SYT11: variants seen among roughly 807,000 people sequenced by gnomAD.
The protein encoded by SYT11 is synaptotagmin-11.
Under a neutral mutation model 30.4 loss-of-function variants are expected in SYT11, and 12 were observed. The observed-to-expected ratio is 0.39, with a 90% CI of 0.25 to 0.64. The LOEUF (loss-of-function observed/expected upper bound fraction) is 0.64. Ranked by LOEUF, SYT11 falls within the 30% of genes least tolerant of loss-of-function variation. SYT11 has a pLI of 0.45. For missense variants in SYT11, 412 were observed against 552.0 expected (o/e 0.75, Z 2.54); for synonymous variants, 204 against 216.0 (o/e 0.94, Z 0.49).
At chr1:155,872,385 ACAAGGGCT>A (rs1672793647) in intron 2 of SYT11, among the ~76,000 whole-genome samples, 1 of 152,238 alleles carries the variant, frequency 6.6e-6, no homozygotes, top group African/African-American at 2.4e-5. Flanking sequence ...TCCACCTAAT[ACAAGGGCT>A]CCTTGGCTAG....
At position 155,868,321 on chromosome 1, in the gene SYT11, G is replaced by A. The variant is rs768097557; in HGVS notation, c.391G>A (p.Glu131Lys). Residue 131 changes from glutamate (E) to lysine (K), a missense_variant, in exon 2 of 4, where the codon GAA becomes AAA. Glu to Lys is a moderately conservative substitution (Grantham distance 56). Coordinates refer to ENST00000368324, the MANE Select transcript of SYT11 (RefSeq NM_152280.5). The surrounding 1 kb of genome is among the most constrained non-coding windows in gnomAD (Gnocchi z 4.7). ...ACCCATCAAAATGGACTATGGGGAA[G>A]AACTAAGGAGCCCTATTACAAGCCT... ...QLPIKMDYGE[E>K]LRSPITSLTP... 5 of 1,614,030 alleles carry A rather than the reference G, an allele frequency of 3.1e-6. No individual in the cohort carries two copies. The highest frequency in any genetic ancestry group is 3.4e-6 in the Non-Finnish European group (4 of 1,180,008).
intron 1 of SYT11, among the ~76,000 whole-genome samples, chr1:155,864,946 G>A (rs559705498): frequency 5.3e-4 from 81 of 151,940 alleles, no homozygotes; most frequent in Non-Finnish European, 8.1e-4. Flanking sequence ...CCTGACCTCA[G>A]GTGATCTGCC....
In SYT11 at chr1:155,860,152, C is replaced by G. The variant is rs1672530405; in HGVS notation, c.34+357C>G. ...AGGTGGGGTAGGCCAAGCCCTCCCC[C>G]TTGGGGCACACAGGGCGGTGCCCCT... is the stretch of plus-strand genomic sequence containing the variant. On this transcript the variant is annotated intron_variant, in intron 1 of 3. Transcript: ENST00000368324. This position sits in a 1 kb window ranked among gnomAD's most constrained non-coding sequence, Gnocchi z 4.1. Among the ~76,000 whole-genome samples, 1 of 152,242 alleles carries G rather than the reference C, an allele frequency of 6.6e-6. No individual in the cohort carries two copies. Among genetic ancestry groups the G allele is most frequent in the Admixed American group, 6.5e-5 (1 of 15,286 alleles).
In SYT11 at chr1:155,862,994, C is replaced by T. The variant is rs73002929; in HGVS notation, c.34+3199C>T. Among the ~76,000 whole-genome samples the T allele has an allele frequency of 5.6e-3, 851 of 152,324 alleles. 7 individuals carry two copies. The highest frequency in any genetic ancestry group is 0.019 in the African/African-American group (805 of 41,566). On this transcript the variant is annotated intron_variant, in intron 1 of 3. Coordinates refer to ENST00000368324, the MANE Select transcript of SYT11 (RefSeq NM_152280.5). ...AAGATCCATAGGATATTGTTCCTGCCTGCCTTCAAGTAGCTTACTACCAAG... is the reference window on the plus strand; with the variant it reads ...AAGATCCATAGGATATTGTTCCTGCTTGCCTTCAAGTAGCTTACTACCAAG...
intron 2 of SYT11, among the ~76,000 whole-genome samples, chr1:155,877,647 G>A (rs944161214): frequency 2.0e-5 from 3 of 150,408 alleles, no homozygotes; most frequent in South Asian, 2.1e-4. Context: ...TCCGCCTCCC[G>A]GGTTCACGCC....
At chr1:155,880,454 C>A (rs1313825683) in intron 2 of SYT11, 46 bp from the exon 3 acceptor site, 4 of 1,608,970 alleles carry the variant, frequency 2.5e-6, no homozygotes, top group African/African-American at 2.7e-5. Flanking sequence ...TGTGCTCTGC[C>A]CTGCACCCTC....
intron 2 of SYT11, among the ~76,000 whole-genome samples, chr1:155,875,856 ATTTCTTGT>A (rs1672851423): frequency 6.6e-6 from 1 of 152,126 alleles, no homozygotes; most frequent in South Asian, 2.1e-4. Flanking sequence ...TATTAGGCTT[ATTTCTTGT>A]TTTTTATTGA....
chr1:155,862,664 AATAAATCT>A (rs1672612491), intron 1 of SYT11, among the ~76,000 whole-genome samples: 1 of 152,214 alleles, frequency 6.6e-6, no homozygotes, highest in Non-Finnish European at 1.5e-5. Context: ...TGCTGCAGGG[AATAAATCT>A]ATGATAGAGC....
chr1:155,877,742 GAT>G (rs1557950120), intron 2 of SYT11, among the ~76,000 whole-genome samples: 1 of 151,624 alleles, frequency 6.6e-6, no homozygotes, highest in African/African-American at 2.4e-5. Context: ...TTTTTTAGTA[GAT>G]ACCAGGTTTC....
chr1:155,863,307 G>T (rs1015596944), intron 1 of SYT11, among the ~76,000 whole-genome samples: 4 of 152,008 alleles, frequency 2.6e-5, no homozygotes, highest in Admixed American at 2.6e-4. Flanking sequence ...TTTTTAATTA[G>T]CCAGGCATAG....
intron 1 of SYT11, among the ~76,000 whole-genome samples, chr1:155,862,357 G>A (rs186477787): frequency 6.6e-6 from 1 of 152,292 alleles, no homozygotes; most frequent in African/African-American, 2.4e-5. Context: ...AGAGCTCTAG[G>A]TTTTAATATC....
At chr1:155,873,999 G>A (rs905178104) in intron 2 of SYT11, among the ~76,000 whole-genome samples, 3 of 152,238 alleles carry the variant, frequency 2.0e-5, no homozygotes, top group Non-Finnish European at 2.9e-5. Context: ...CAACCAGACT[G>A]TAATTCAAAA....
At position 155,868,014 on chromosome 1, in the gene SYT11, G is replaced by A. The variant is rs767013858; in HGVS notation, c.84G>A (p.Val28=). The A allele has an allele frequency of 1.9e-6, 3 of 1,613,080 alleles. No individual in the cohort carries two copies. Among genetic ancestry groups the A allele is most frequent in the Non-Finnish European group, 2.5e-6 (3 of 1,179,846 alleles). The change falls in exon 2 of 4, where the codon GTG becomes GTA. Residue 28 remains valine (V), a synonymous_variant. Coordinates refer to ENST00000368324, the MANE Select transcript of SYT11 (RefSeq NM_152280.5). The surrounding 1 kb of genome is among the most constrained non-coding windows in gnomAD (Gnocchi z 4.7). ...AGLIGASVLV[V]CVSVTVFVWS... is the part of the protein sequence containing the mutation. Reference sequence around the variant, plus strand: ...TCATCGGGGCCTCTGTGCTGGTGGTGTGTGTCTCGGTGACCGTCTTTGTCT... The same window carrying A: ...TCATCGGGGCCTCTGTGCTGGTGGTATGTGTCTCGGTGACCGTCTTTGTCT...
intron 2 of SYT11, among the ~76,000 whole-genome samples, chr1:155,870,164 T>C (rs192236512): frequency 3.4e-3 from 518 of 152,248 alleles, no homozygotes; most frequent in Non-Finnish European, 4.7e-3. Flanking sequence ...AAACTTAGAG[T>C]TTCATGTCTT....
intron 2 of SYT11, among the ~76,000 whole-genome samples, chr1:155,877,384 G>A (rs931378387): frequency 6.6e-6 from 1 of 151,932 alleles, no homozygotes; most frequent in Non-Finnish European, 1.5e-5. Context: ...GAATAGAGTC[G>A]TGAGCCACTG....
chr1:155,874,025 G>T (rs181002022), intron 2 of SYT11, among the ~76,000 whole-genome samples: 11 of 152,352 alleles, frequency 7.2e-5, no homozygotes, highest in Admixed American at 7.2e-4. Flanking sequence ...TGAGGGCCAG[G>T]CATGGTGGCT....
intron 2 of SYT11, among the ~76,000 whole-genome samples, chr1:155,871,519 T>G (rs1191137676): frequency 6.6e-6 from 1 of 152,182 alleles, no homozygotes; most frequent in African/African-American, 2.4e-5. Flanking sequence ...GGGAAGAGAC[T>G]GGCAATGAAA....
chr1:155,870,906 T>A (rs2102559818), intron 2 of SYT11, among the ~76,000 whole-genome samples: 1 of 152,152 alleles, frequency 6.6e-6, no homozygotes, highest in East Asian at 1.9e-4. Context: ...GCCAGGGAAG[T>A]CCAAGAATCT....
rs1672964318 is a variant in SYT11 at position 155,881,608 on chromosome 1, G to A, written c.*100G>A. On this transcript the variant is annotated 3_prime_UTR_variant, in exon 4 of 4. Coordinates refer to ENST00000368324, the MANE Select transcript of SYT11 (RefSeq NM_152280.5). ...GTGGACTCCAAACCTCATTTTAGTT[G>A]TAGAAGAAAATTTCTTACAAAACAA... is the stretch of plus-strand genomic sequence containing the variant. 1 of 1,194,098 alleles carries A rather than the reference G, an allele frequency of 8.4e-7. No individual in the cohort carries two copies. 74.0% of individuals were successfully genotyped at this position (1,194,098 alleles called of 1,614,324 possible). A position where few individuals can be genotyped will look rare whatever the true frequency, so the allele number is the denominator to read the frequency against.
Sources: allele counts gnomAD v4.1 joint callset (sites outside exome capture counted in the v4.1 genomes callset), GRCh38; gene constraint gnomAD v4.1.1; non-coding constraint Gnocchi (gnomAD v3.1); transcripts MANE v1.5; gene names NCBI Gene and HGNC (gene_info 2026-07-23, HGNC 2026-07-21).